TACC1: variants seen among roughly 807,000 people sequenced by gnomAD.
TACC1 encodes the protein transforming acidic coiled-coil containing protein 1, also known as transforming acidic coiled-coil-containing protein 1.
Under a neutral mutation model 84.4 loss-of-function variants are expected in TACC1, and 48 were observed. The ratio of observed to expected loss-of-function variants is 0.57; its 90% CI spans 0.45 to 0.72. The LOEUF is 0.72. Among genes scored for constraint, TACC1 ranks in the 30% least tolerant of loss-of-function variants. TACC1 has a pLI of 0.00. For missense variants in TACC1, 920 were observed against 973.0 expected (o/e 0.95, Z 0.72); for synonymous variants, 372 against 376.3 (o/e 0.99, Z 0.13).
rs905587678 is a variant in TACC1, at chr8:38,757,166, C to T, written c.26+11673C>T. Reference sequence around the variant, plus strand: ...AGAAGTTGGCGGCATCTGAAGCCACCTCCTTCCCCGCTTTCCCAGCGGCGG... The same window carrying T: ...AGAAGTTGGCGGCATCTGAAGCCACTTCCTTCCCCGCTTTCCCAGCGGCGG... On this transcript the variant is annotated intron_variant, in intron 3 of 14. Coordinates refer to the TACC1 transcript ENST00000518415. 20 of 886,516 alleles carry T rather than the reference C, an allele frequency of 2.3e-5. No homozygotes were observed. The African/African-American group carries it at 3.7e-4, about 16-fold the overall frequency. 54.9% of individuals were successfully genotyped at this position (886,516 alleles called of 1,614,324 possible).
intron 6 of TACC1, among the ~76,000 whole-genome samples, chr8:38,832,287 A>G (rs1293105961): frequency 6.6e-6 from 1 of 152,256 alleles, no homozygotes; most frequent in African/African-American, 2.4e-5. Context: ...TTGTGTTAGA[A>G]TACACTGGTG....
upstream of TACC1, among the ~76,000 whole-genome samples, chr8:38,784,190 A>T (rs936983957): frequency 6.6e-6 from 1 of 152,186 alleles, no homozygotes; most frequent in African/African-American, 2.4e-5. Flanking sequence ...TAATGGACTC[A>T]TATTCATTAC....
chr8:38,741,649 T>G (rs1807092373), intron 1 of TACC1, among the ~76,000 whole-genome samples: 1 of 152,156 alleles, frequency 6.6e-6, no homozygotes, highest in South Asian at 2.1e-4. Flanking sequence ...AATAAAGTAT[T>G]GGTGGATGTA....
chr8:38,749,276 A>T (rs188080370), intron 3 of TACC1, among the ~76,000 whole-genome samples: 285 of 152,320 alleles, frequency 1.9e-3, no homozygotes, highest in Non-Finnish European at 2.9e-3. Context: ...TTGAATTTGT[A>T]ATTAAAAACT....
intron 2 of TACC1, among the ~76,000 whole-genome samples, chr8:38,816,787 G>A (rs1053595054): frequency 1.3e-5 from 2 of 152,144 alleles, no homozygotes; most frequent in African/African-American, 4.8e-5. Context: ...CCCTGTCCCT[G>A]TCATTTAGGG....
At position 38,846,726 on chromosome 8, in the gene TACC1, A is replaced by G. The variant is rs1464330812; in HGVS notation, c.2256A>G (p.Arg752=). Residue 752 remains arginine (R), a synonymous_variant, in exon 12 of 13, where the codon CGA becomes CGG. Coordinates refer to ENST00000317827, the MANE Select transcript of TACC1 (RefSeq NM_006283.3). ...DKANEEIAQV[R]TKAKAESAAL... ...CCAATGAAGAGATTGCTCAGGTTCG[A>G]ACAAAAGCAAAGGCTGAGAGTGCAG... The G allele has an allele frequency of 3.7e-6, 6 of 1,614,062 alleles. No homozygotes were observed. The South Asian group carries it at 5.5e-5, about 15-fold the overall frequency.
chr8:38,772,371 ATAAGTGTGTGAAAAGAAATT>A (rs1343294260), intron 3 of TACC1, among the ~76,000 whole-genome samples: 1 of 152,254 alleles, frequency 6.6e-6, no homozygotes, highest in East Asian at 1.9e-4. Context: ...CTAAGAAAAG[ATAAGTGTGTGAAAAGAAATT>A]TAAGTGTGTG....
rs1832825565 is a variant in TACC1 at position 38,849,536 on chromosome 8, T to C, written c.*1513T>C. 1 of 152,258 alleles carries C rather than the reference T, an allele frequency of 6.6e-6. No homozygotes were observed. The highest frequency in any genetic ancestry group is 2.1e-4 in the South Asian group (1 of 4,836). 9.4% of individuals were successfully genotyped at this position (152,258 alleles called of 1,614,324 possible). The stretch of plus-strand genomic sequence containing the variant: ...CTACTTCTCTTGTAAAACTGTTGCA[T>C]GATCCAACTTCAGCAATGAATTGTG... On this transcript the variant is annotated 3_prime_UTR_variant, in exon 13 of 13. Coordinates refer to ENST00000317827, the MANE Select transcript of TACC1 (RefSeq NM_006283.3).
intron 1 of TACC1, among the ~76,000 whole-genome samples, chr8:38,733,644 C>T (rs937971086): frequency 6.6e-6 from 1 of 152,006 alleles, no homozygotes; most frequent in African/African-American, 2.4e-5. Context: ...GGACAGCACC[C>T]GGCAGCAGTA....
intron 11 of TACC1, among the ~76,000 whole-genome samples, chr8:38,845,978 A>G (rs1291998197): frequency 6.6e-6 from 1 of 152,134 alleles, no homozygotes; most frequent in African/African-American, 2.4e-5. Context: ...CTGTTCATCA[A>G]CTGACATTTA....
intron 3 of TACC1, 30 bp downstream of exon 3, chr8:38,820,665 C>G (rs755070908): frequency 1.9e-6 from 3 of 1,579,720 alleles, no homozygotes; most frequent in Admixed American, 1.7e-5. Context: ...GGGTGTCGTG[C>G]TCTGTGTCTT....
chr8:38,824,282 T>G (rs1211500334), intron 3 of TACC1, among the ~76,000 whole-genome samples: 3 of 152,222 alleles, frequency 2.0e-5, no homozygotes, highest in Non-Finnish European at 4.4e-5. Context: ...CGTGGCGCTT[T>G]GACAATACCA....
chr8:38,764,418 CAATTTGGTAAA>C (rs1269558346), intron 3 of TACC1, among the ~76,000 whole-genome samples: 1 of 113,394 alleles, frequency 8.8e-6, no homozygotes, highest in Non-Finnish European at 1.8e-5. Flanking sequence ...CATTTTAAAT[CAATTTGGTAAA>C]AAAAAAAAAA....
At chr8:38,842,759 C>A (rs372341958) in intron 10 of TACC1, among the ~76,000 whole-genome samples, 1 of 152,210 alleles carries the variant, frequency 6.6e-6, no homozygotes, top group Non-Finnish European at 1.5e-5. Flanking sequence ...CAGGTGAATT[C>A]TAGAAATGTT....
chr8:38,757,482 G>C, intron 3 of TACC1: 1 of 1,093,088 alleles, frequency 9.1e-7, no homozygotes, highest in Non-Finnish European at 1.1e-6. Flanking sequence ...GCGCGCTGGG[G>C]CCCGTCCCAG....
intron 3 of TACC1, among the ~76,000 whole-genome samples, chr8:38,778,656 TAA>T (rs1489442509): frequency 2.0e-5 from 3 of 152,188 alleles, no homozygotes. Flanking sequence ...GCATTTTTCT[TAA>T]AGAGTGCTTC....
At chr8:38,802,017 A>G (rs1821490707) in intron 2 of TACC1, among the ~76,000 whole-genome samples, 1 of 152,126 alleles carries the variant, frequency 6.6e-6, no homozygotes, top group African/African-American at 2.4e-5. Flanking sequence ...AGGCTTAGAC[A>G]GTCCTGCCCA....
chr8:38,730,188 C>G (rs1044284104), intron 1 of TACC1, among the ~76,000 whole-genome samples: 2 of 152,230 alleles, frequency 1.3e-5, no homozygotes, highest in Non-Finnish European at 2.9e-5. Context: ...GGCTCTTACT[C>G]CGTCCTCCCA....
intron 3 of TACC1, among the ~76,000 whole-genome samples, chr8:38,769,869 G>GGT (rs892594003): frequency 7.0e-6 from 1 of 141,880 alleles, no homozygotes; most frequent in Non-Finnish European, 1.5e-5. Context: ...GTGACTATGT[G>GGT]GTGTGTGTGT....
Sources: gnomAD v4.1 joint callset for allele counts (sites outside exome capture counted in the v4.1 genomes callset) on GRCh38, gnomAD v4.1.1 for gene constraint, MANE v1.5 for transcripts, NCBI Gene and HGNC (gene_info 2026-07-23, HGNC 2026-07-21) for gene names.